FLACC1: variants seen among roughly 807,000 people sequenced by gnomAD.
FLACC1 encodes flagellum-associated coiled-coil domain-containing protein 1.
Under a neutral mutation model 62.8 loss-of-function variants are expected in FLACC1, and 66 were observed. That is an observed-to-expected ratio of 1.05 (90% CI 0.86 to 1.29). The LOEUF (loss-of-function observed/expected upper bound fraction) is 1.29. Ranked by LOEUF, FLACC1 falls within the 50% of genes most tolerant of loss-of-function variation. FLACC1 has a pLI of 0.00. For missense variants in FLACC1, 452 were observed against 489.1 expected (o/e 0.92, Z 0.71); for synonymous variants, 156 against 161.0 (o/e 0.97, Z 0.24).
At chr2:201,317,242 A>G (rs1184907166) in intron 9 of FLACC1, among the ~76,000 whole-genome samples, 2 of 152,238 alleles carry the variant, frequency 1.3e-5, no homozygotes, top group African/African-American at 4.8e-5. Flanking sequence ...CCAAATCAGT[A>G]AAGAGGAAGT....
intron 9 of FLACC1, among the ~76,000 whole-genome samples, chr2:201,329,446 T>C (rs1351909641): frequency 1.3e-5 from 2 of 152,240 alleles, no homozygotes; most frequent in African/African-American, 2.4e-5. Context: ...TTACTGGGTA[T>C]ATATCCAAAA....
At chr2:201,345,450 T>TTGTGTGTGTGTGTGTGTGTG (rs56229607) in intron 5 of FLACC1, among the ~76,000 whole-genome samples, 1 of 144,086 alleles carries the variant, frequency 6.9e-6, no homozygotes, top group Non-Finnish European at 1.5e-5. Context: ...AGGTAGATGA[T>TTGTGTGTGTGTGTGTGTGTG]TGTGTGTGTG....
intron 11 of FLACC1, among the ~76,000 whole-genome samples, chr2:201,300,144 C>T (rs957220326): frequency 3.3e-4 from 50 of 152,282 alleles, no homozygotes; most frequent in Non-Finnish European, 5.1e-4. Flanking sequence ...ACCTGGGAAG[C>T]GCGAGGGGTC....
At chr2:201,345,211 C>A (rs923389054) in intron 5 of FLACC1, among the ~76,000 whole-genome samples, 1 of 152,132 alleles carries the variant, frequency 6.6e-6, no homozygotes, top group Admixed American at 6.5e-5. Flanking sequence ...TGTGGATAAG[C>A]AGGGAAAAGA....
intron 10 of FLACC1, among the ~76,000 whole-genome samples, 194 bp from the exon 11 acceptor site, chr2:201,307,816 C>T (rs1388125131): frequency 6.6e-6 from 1 of 152,178 alleles, no homozygotes; most frequent in Non-Finnish European, 1.5e-5. Context: ...TGTCCTCAAT[C>T]ACATTAGTCA....
In FLACC1 at chr2:201,329,904, C is replaced by T. The variant is rs150223810; in HGVS notation, c.675+566G>A. 3.8e-3 allele frequency among the ~76,000 whole-genome samples: 583 copies of T among 152,204 alleles called. 5 individuals carry two copies. The highest frequency in any genetic ancestry group is 4.1e-3 in the Non-Finnish European group (276 of 67,988). ...TTTTTTTAAAGTTCATTCCTTTTGA[C>T]CAAGCACTCTACTTCTAGAATCAAA... On this transcript the variant is annotated intron_variant, in intron 9 of 14. Transcript: ENST00000392257.
At chr2:201,311,375 T>C (rs1950214079) in intron 9 of FLACC1, among the ~76,000 whole-genome samples, 1 of 152,012 alleles carries the variant, frequency 6.6e-6, no homozygotes. Context: ...GAACATAGAC[T>C]GAAAAAAATG....
At chr2:201,307,390 G>C (rs925488543) in intron 11 of FLACC1, 129 bp downstream of exon 11, 1 of 714,094 alleles carries the variant, frequency 1.4e-6, no homozygotes, top group African/African-American at 1.8e-5. Flanking sequence ...TACATTTCCA[G>C]AAAGCTGGGA....
rs747750084 is a variant in FLACC1 at position 201,350,782 on chromosome 2, C to A, written c.114G>T (p.Lys38Asn). 6.2e-7 allele frequency: 1 copy of A among 1,610,270 alleles called. No homozygotes were observed. Among genetic ancestry groups the A allele is most frequent in the Non-Finnish European group, 8.5e-7 (1 of 1,176,972 alleles). The change falls in exon 3 of 15, where the codon AAG becomes AAT. Residue 38 changes from lysine (K) to asparagine (N), a missense_variant and splice_region_variant. Around this residue, in one of 3 missense-constraint regions of FLACC1, gnomAD observed 147 missense variants for 152.7 expected, o/e 0.96. Coordinates refer to ENST00000392257, the MANE Select transcript of FLACC1 (RefSeq NM_001127391.3). Reference protein sequence around the residue: ...LPRKNSTGSSKLTPLVPAPKN... With the variant: ...LPRKNSTGSSNLTPLVPAPKN... ...TTGGAGCTGGTACAAGAGGAGTTAG[C>A]CTGAAAGTGAAAAACAAATAACTAA...
chr2:201,340,973 A>G (rs1222685721), intron 7 of FLACC1, among the ~76,000 whole-genome samples: 2 of 152,096 alleles, frequency 1.3e-5, no homozygotes, highest in Non-Finnish European at 2.9e-5. Context: ...TTACAATTGT[A>G]TTGGCACTCC....
At chr2:201,304,502 C>T (rs1438408038) in intron 11 of FLACC1, among the ~76,000 whole-genome samples, 1 of 152,210 alleles carries the variant, frequency 6.6e-6, no homozygotes, top group African/African-American at 2.4e-5. Flanking sequence ...AATGGCCATA[C>T]TGCCCAAGGT....
intron 12 of FLACC1, 97 bp from the exon 13 acceptor site, chr2:201,289,882 G>T: frequency 6.3e-7 from 1 of 1,598,650 alleles, no homozygotes; most frequent in South Asian, 1.1e-5. Context: ...GGAGCAACCT[G>T]AGCTACTTTT....
At chr2:201,317,748 A>G (rs539915747) in intron 9 of FLACC1, among the ~76,000 whole-genome samples, 1 of 152,276 alleles carries the variant, frequency 6.6e-6, no homozygotes, top group South Asian at 2.1e-4. Flanking sequence ...CCAAAGCAAG[A>G]CTAAGCAAAA....
intron 7 of FLACC1, among the ~76,000 whole-genome samples, chr2:201,335,520 T>C (rs1450894786): frequency 2.0e-5 from 3 of 152,222 alleles, no homozygotes; most frequent in Admixed American, 6.5e-5. Context: ...TAGGCCTCTA[T>C]TCTGTTCCAT....
upstream of FLACC1, among the ~76,000 whole-genome samples, chr2:201,361,853 G>A (rs1019794161): frequency 6.6e-6 from 1 of 152,246 alleles, no homozygotes; most frequent in African/African-American, 2.4e-5. Flanking sequence ...TGGGTTTTCT[G>A]TATTTTTCAT....
intron 14 of FLACC1, 91 bp downstream of exon 14, chr2:201,289,366 A>G: frequency 8.5e-7 from 1 of 1,175,298 alleles, no homozygotes; most frequent in Non-Finnish European, 1.2e-6. Context: ...ACTAGGGAGC[A>G]GTTGGTCTAT....
At chr2:201,289,315 G>T in intron 14 of FLACC1, 142 bp downstream of exon 14, 1 of 701,966 alleles carries the variant, frequency 1.4e-6, no homozygotes, top group Non-Finnish European at 2.4e-6. Context: ...CTGGCCTAGA[G>T]TGACATACCT....
chr2:201,289,640 G>A, intron 13 of FLACC1, 56 bp downstream of exon 13: 1 of 1,611,474 alleles, frequency 6.2e-7, no homozygotes, highest in Non-Finnish European at 8.5e-7. Flanking sequence ...TGGCAGAGCT[G>A]GATGGAGACC....
intron 9 of FLACC1, among the ~76,000 whole-genome samples, chr2:201,314,277 T>C (rs1317251824): frequency 2.0e-5 from 3 of 148,460 alleles, no homozygotes; most frequent in African/African-American, 7.7e-5. Flanking sequence ...AAAGCCCAAT[T>C]TAAGGAAATT....
Sources: gnomAD v4.1 joint callset for allele counts (sites outside exome capture counted in the v4.1 genomes callset) on GRCh38, gnomAD v4.1.1 for gene constraint, gnomAD v4.1.1 regional missense constraint, MANE v1.5 for transcripts, NCBI Gene and HGNC (gene_info 2026-07-23, HGNC 2026-07-21) for gene names.